The following MAGT1 variants were observed in gnomAD, a reference collection of about 807,000 sequenced individuals.
The protein encoded by MAGT1 is magnesium transporter 1.
A neutral mutation model predicts 28.4 loss-of-function variants in MAGT1; 4 were observed. That is an observed-to-expected ratio of 0.14 (90% confidence interval 0.07 to 0.32). The LOEUF is 0.32. MAGT1 is among the 10% of genes least tolerant of loss of function. MAGT1 has a pLI of 1.00. For synonymous variants in MAGT1, 89 were observed against 89.7 expected (o/e 0.99, Z 0.04); for missense variants, 193 against 264.5 (o/e 0.73, Z 1.88).
chrX:77,883,557 T>C (rs920260989), intron 1 of MAGT1, among the ~76,000 whole-genome samples: 14 of 97,126 alleles, frequency 1.4e-4, no homozygotes, highest in African/African-American at 4.9e-4. Context: ...CATTTTCTTT[T>C]TTTTTTTTTT....
intron 1 of MAGT1, among the ~76,000 whole-genome samples, chrX:77,878,649 T>C (rs1390350593): frequency 3.8e-5 from 4 of 104,474 alleles, no homozygotes; most frequent in African/African-American, 1.4e-4. Flanking sequence ...ATTAGCTGGG[T>C]GTGTTGGCGG....
chrX:77,881,406 C>T (rs782765978), intron 1 of MAGT1, among the ~76,000 whole-genome samples: 317 of 84,205 alleles, frequency 3.8e-3, no homozygotes, highest in African/African-American at 0.013. Flanking sequence ...CTAATGCTAT[C>T]CCTCCCCCTC....
At chrX:77,862,597 G>A (rs2076997538) in intron 3 of MAGT1, among the ~76,000 whole-genome samples, 1 of 111,811 alleles carries the variant, frequency 8.9e-6, no homozygotes, top group South Asian at 3.7e-4. Flanking sequence ...CAAAGGACAT[G>A]AATAGACATT....
chrX:77,883,567 T>C (rs1557218724), intron 1 of MAGT1, among the ~76,000 whole-genome samples: 1 of 99,468 alleles, frequency 1.0e-5, no homozygotes, highest in African/African-American at 3.7e-5. Context: ...TTTTTTTTTT[T>C]TTTTTTTTGG....
chrX:77,843,424 C>T (rs1557214590), intron 7 of MAGT1, among the ~76,000 whole-genome samples: 1 of 110,573 alleles, frequency 9.0e-6, no homozygotes, highest in Non-Finnish European at 1.9e-5. Flanking sequence ...TTTGTAGAAA[C>T]GGGGTCTCAC....
At chrX:77,850,484 A>AGG (rs35120738) in intron 7 of MAGT1, among the ~76,000 whole-genome samples, 3 of 33,929 alleles carry the variant, frequency 8.8e-5, no homozygotes, top group African/African-American at 1.3e-4. Context: ...CAAAAAAAAA[A>AGG]GGGGGGGGGG....
chrX:77,890,908 G>A (rs144929300), intron 1 of MAGT1, among the ~76,000 whole-genome samples: 267 of 111,286 alleles, frequency 2.4e-3, no homozygotes, highest in African/African-American at 8.2e-3. Flanking sequence ...GAAAACTGGG[G>A]AGGGAGATCT....
intron 1 of MAGT1, among the ~76,000 whole-genome samples, chrX:77,889,227 C>A (rs1557219242): frequency 9.7e-6 from 1 of 103,373 alleles, no homozygotes; most frequent in Non-Finnish European, 2.0e-5. Context: ...GCAATCTGCC[C>A]ACTTTGGCCT....
At chrX:77,876,077 C>T (rs2077032630) in intron 1 of MAGT1, among the ~76,000 whole-genome samples, 1 of 99,901 alleles carries the variant, frequency 1.0e-5, no homozygotes, top group Non-Finnish European at 2.0e-5. Context: ...GCAATCTGCC[C>T]GCCTCAGCTA....
chrX:77,867,935 G>A (rs2077011610), intron 3 of MAGT1, among the ~76,000 whole-genome samples: 1 of 67,136 alleles, frequency 1.5e-5, no homozygotes, highest in African/African-American at 3.5e-5. Context: ...TATGGACAGA[G>A]CGCTAAATGG....
chrX:77,841,398 G>A, intron 7 of MAGT1, 78 bp from the exon 8 acceptor site: 1 of 728,072 alleles, frequency 1.4e-6, no homozygotes, highest in Admixed American at 2.3e-5. Flanking sequence ...TTCTCATGAA[G>A]AAAATTAAAA....
At chrX:77,880,518 ACT>A (rs1302897579) in intron 1 of MAGT1, among the ~76,000 whole-genome samples, 1 of 110,246 alleles carries the variant, frequency 9.1e-6, no homozygotes, top group East Asian at 2.9e-4. Context: ...ACAGAGCGAC[ACT>A]CAGTCTCAAA....
intron 3 of MAGT1, among the ~76,000 whole-genome samples, chrX:77,859,916 C>A (rs1557216327): frequency 9.0e-6 from 1 of 110,996 alleles, no homozygotes; most frequent in South Asian, 3.8e-4. Context: ...AGTGGCTGTG[C>A]CAAAATATAC....
Position 77,846,186 on chromosome X carries a change from T to A in MAGT1, c.827-4866A>T, listed in dbSNP as rs1333027499. 3.6e-5 allele frequency among the ~76,000 whole-genome samples: 4 copies of A among 111,890 alleles called. No individual in the cohort carries two copies. The East Asian group carries it at 1.1e-3, about 31-fold the overall frequency. On this transcript the variant is annotated intron_variant, in intron 7 of 9. Coordinates refer to ENST00000618282, the MANE Select transcript of MAGT1 (RefSeq NM_001367916.1). ...TTCTTGCTTCATTTCATTCATTTGA[T>A]CTTCCATCACTGATACCCTTTCTTC...
chrX:77,848,091 T>A (rs782175035), intron 7 of MAGT1, among the ~76,000 whole-genome samples: 2 of 112,485 alleles, frequency 1.8e-5, no homozygotes, highest in South Asian at 7.3e-4. Flanking sequence ...TCAAGAGCTA[T>A]GATGCAGTTC....
rs782515644 is a variant in MAGT1 at position 77,842,710 on chromosome X, G to A, written c.827-1390C>T. Among the ~76,000 whole-genome samples, 7 of 109,483 alleles carry A rather than the reference G, an allele frequency of 6.4e-5. No individual in the cohort carries two copies. In the South Asian group the frequency reaches 2.3e-3, roughly 37 times the overall value. On this transcript the variant is annotated intron_variant, in intron 7 of 9. Coordinates refer to ENST00000618282, the MANE Select transcript of MAGT1 (RefSeq NM_001367916.1). ...GGCGTGGTGGCAGGCGCCTGTAATCGCAGCTACTTGGGAGGCTGAGGCAGG... is the reference window on the plus strand; with the variant it reads ...GGCGTGGTGGCAGGCGCCTGTAATCACAGCTACTTGGGAGGCTGAGGCAGG...
intron 1 of MAGT1, chrX:77,885,560 C>T (rs1195414710): frequency 9.2e-6 from 1 of 108,592 alleles, no homozygotes; most frequent in Non-Finnish European, 1.9e-5. Flanking sequence ...ACTTTGTCAC[C>T]CAGATTGGAG....
intron 1 of MAGT1, among the ~76,000 whole-genome samples, chrX:77,894,926 C>T (rs1458609289): frequency 9.0e-6 from 1 of 111,722 alleles, no homozygotes; most frequent in Non-Finnish European, 1.9e-5. Context: ...AAATAGAGAA[C>T]TCTTACACAT....
intron 1 of MAGT1, among the ~76,000 whole-genome samples, chrX:77,889,376 A>ATT (rs1450634097): frequency 1.0e-5 from 1 of 95,671 alleles, no homozygotes; most frequent in African/African-American, 3.8e-5. Context: ...ATATATATAT[A>ATT]TTTTTTTTTT....
Sources: gnomAD v4.1 joint callset for allele counts (sites outside exome capture counted in the v4.1 genomes callset) on GRCh38, gnomAD v4.1.1 for gene constraint, MANE v1.5 for transcripts, NCBI Gene and HGNC (gene_info 2026-07-23, HGNC 2026-07-21) for gene names.